MRTFB: variants seen among roughly 807,000 people sequenced by gnomAD.
The protein encoded by MRTFB is myocardin related transcription factor B.
In MRTFB, 29 loss-of-function variants were observed where a neutral mutation model predicts 104.2. The ratio of observed to expected loss-of-function variants is 0.28; its 90% CI spans 0.21 to 0.38. The LOEUF is 0.38. Among genes scored for constraint, MRTFB ranks in the 10% least tolerant of loss-of-function variants. MRTFB has a pLI of 1.00. For missense variants in MRTFB, 1,270 were observed against 1,341.6 expected (o/e 0.95, Z 0.83); for synonymous variants, 535 against 519.5 (o/e 1.03, Z -0.41).
At chr16:14,186,035 G>A (rs771512510) in intron 3 of MRTFB, among the ~76,000 whole-genome samples, 9 of 152,092 alleles carry the variant, frequency 5.9e-5, no homozygotes, top group Admixed American at 2.0e-4. Flanking sequence ...CAGTGTTGCC[G>A]CTTTTAATGC....
chr16:14,129,908 A>C (rs2037352356), intron 2 of MRTFB, among the ~76,000 whole-genome samples: 1 of 152,138 alleles, frequency 6.6e-6, no homozygotes, highest in Non-Finnish European at 1.5e-5. Context: ...CCCTCACTGC[A>C]ACCTCTGCCT....
rs1209877049 is a variant in MRTFB at position 14,246,798 on chromosome 16, C to G, written c.1538C>G (p.Ser513Cys). ...LPISPSPSEQ[S>C]SLSTDDTNMA... is the part of the protein sequence containing the mutation. ...ATTTCACCATCTCCCTCCGAACAGT[C>G]CAGTCTCAGTACTGATGACACAAAC... is the stretch of plus-strand genomic sequence containing the variant. The change falls in exon 12 of 17, where the codon TCC (serine) becomes TGC (cysteine). Residue 513 changes from serine to cysteine, a missense_variant. This residue lies in a region of MRTFB where 1,144 missense variants were observed against 1,131.5 expected (regional missense o/e 1.01). Transcript: ENST00000571589. 6.2e-7 allele frequency: 1 copy of G among 1,613,554 alleles called. No individual in the cohort carries two copies. The highest frequency in any genetic ancestry group is 8.5e-7 in the Non-Finnish European group (1 of 1,180,046).
At chr16:14,000,089 G>A in the MRTFB span, among the ~76,000 whole-genome samples, 13 of 152,150 alleles carry the variant, frequency 8.5e-5, no homozygotes, top group South Asian at 2.1e-4. Context: ...GCCACATTGG[G>A]GTGGGGGCTG....
intron 3 of MRTFB, among the ~76,000 whole-genome samples, chr16:14,192,112 T>A (rs529807379): frequency 6.6e-6 from 1 of 151,962 alleles, no homozygotes; most frequent in Non-Finnish European, 1.5e-5. Flanking sequence ...GGCTCACACC[T>A]ATAATCCCAG....
intron 1 of MRTFB, among the ~76,000 whole-genome samples, chr16:14,079,088 C>G (rs191750732): frequency 6.6e-6 from 1 of 152,110 alleles, no homozygotes; most frequent in Admixed American, 6.6e-5. Flanking sequence ...TGAATACAGT[C>G]GTGTATAGGT....
intron 2 of MRTFB, among the ~76,000 whole-genome samples, chr16:14,103,127 C>T (rs932545538): frequency 1.2e-4 from 18 of 152,172 alleles, no homozygotes; most frequent in African/African-American, 4.1e-4. Context: ...CTCTGCACAC[C>T]TCCTTGCTTT....
chr16:14,100,101 C>G (rs2035619027), intron 2 of MRTFB, among the ~76,000 whole-genome samples: 1 of 152,054 alleles, frequency 6.6e-6, no homozygotes, highest in African/African-American at 2.4e-5. Context: ...TTTTTCTTGC[C>G]TTATTGAACG....
rs2037940987 is a variant in MRTFB at position 14,140,518 on chromosome 16, T to A, written c.-63-26T>A. ...ATTGGAGAAACATAACTGCACCATC[T>A]CTTTACACATTCTTTATTTTGGCAG... On this transcript the variant is annotated intron_variant, in intron 2 of 16. Transcript: ENST00000571589. 3.3e-6 allele frequency: 5 copies of A among 1,495,788 alleles called. No individual in the cohort carries two copies. The Admixed American group carries it at 5.6e-5, about 17-fold the overall frequency. The allele number at this position is 1,495,788 out of a possible 1,614,324, so 92.7% of individuals were successfully genotyped here.
the MRTFB span, among the ~76,000 whole-genome samples, chr16:13,998,169 C>T: frequency 6.6e-6 from 1 of 152,132 alleles, no homozygotes; most frequent in African/African-American, 2.4e-5. Context: ...GGGGGTGAGT[C>T]GTAGGCAGGC....
chr16:14,266,011 A>T lies in MRTFB; in HGVS notation c.*4567A>T, dbSNP rs1032320023. The T allele has an allele frequency of 7.2e-5, 11 of 152,226 alleles. No homozygotes were observed. Among genetic ancestry groups the T allele is most frequent in the African/African-American group, 2.7e-4 (11 of 41,452 alleles). 9.4% of individuals were successfully genotyped at this position (152,226 alleles called of 1,614,324 possible). A position where few individuals can be genotyped will look rare whatever the true frequency, so the allele number is the denominator to read the frequency against. ...AATTTGGTAGGAAGAGGAAGCATTT[A>T]GGAAAGGGTTTAGTATCTACCAAAA... On this transcript the variant is annotated 3_prime_UTR_variant, in exon 17 of 17. Coordinates refer to ENST00000571589, the MANE Select transcript of MRTFB (RefSeq NM_001308142.2).
At chr16:14,201,560 AT>A (rs993434639) in intron 3 of MRTFB, among the ~76,000 whole-genome samples, 11 of 152,152 alleles carry the variant, frequency 7.2e-5, no homozygotes, top group African/African-American at 2.7e-4. Context: ...ATAAAATTTT[AT>A]TTTTATTTGT....
At chr16:14,119,357 T>C (rs867449439) in intron 2 of MRTFB, among the ~76,000 whole-genome samples, 1 of 152,320 alleles carries the variant, frequency 6.6e-6, no homozygotes, top group South Asian at 2.1e-4. Context: ...GAGTAGGTTA[T>C]AGTTTGTTTA....
the MRTFB span, among the ~76,000 whole-genome samples, chr16:14,061,383 C>A: frequency 6.6e-6 from 1 of 152,148 alleles, no homozygotes; most frequent in Non-Finnish European, 1.5e-5. Flanking sequence ...CCTGCATGTG[C>A]CCAGAAGCTG....
chr16:14,238,474 T>C (rs2042621477), intron 9 of MRTFB, among the ~76,000 whole-genome samples: 2 of 151,990 alleles, frequency 1.3e-5, no homozygotes, highest in Admixed American at 1.3e-4. Context: ...ATGGAGTGAA[T>C]TGACAAAATA....
At chr16:14,090,149 G>C (rs147012607) in intron 2 of MRTFB, among the ~76,000 whole-genome samples, 2 of 151,908 alleles carry the variant, frequency 1.3e-5, no homozygotes, top group African/African-American at 4.8e-5. Context: ...TAATTTTGAT[G>C]AAGTCCAGTT....
At chr16:14,105,706 G>C (rs1422912743) in intron 2 of MRTFB, among the ~76,000 whole-genome samples, 2 of 152,004 alleles carry the variant, frequency 1.3e-5, no homozygotes, top group Non-Finnish European at 2.9e-5. Context: ...GACTCTTAAG[G>C]GTATTTTAGA....
At chr16:14,046,179 G>A in the MRTFB span, among the ~76,000 whole-genome samples, 1 of 152,084 alleles carries the variant, frequency 6.6e-6, no homozygotes, top group Non-Finnish European at 1.5e-5. Flanking sequence ...TGTTGAATGA[G>A]GCCGGGTGTG....
At chr16:14,234,358 A>G in intron 9 of MRTFB, 75 bp downstream of exon 9, 1 of 1,501,046 alleles carries the variant, frequency 6.7e-7, no homozygotes, top group South Asian at 1.4e-5. Context: ...AATGGAAGAC[A>G]AAGGCATTTA....
chr16:14,246,398 TC>T, intron 11 of MRTFB, 74 bp from the exon 12 acceptor site: 1 of 1,456,776 alleles, frequency 6.9e-7, no homozygotes, highest in Non-Finnish European at 9.4e-7. Context: ...TAGGCACCTT[TC>T]CCATCACAAA....
Sources: gnomAD v4.1 joint callset for allele counts (sites outside exome capture counted in the v4.1 genomes callset) on GRCh38, gnomAD v4.1.1 for gene constraint, gnomAD v4.1.1 regional missense constraint, MANE v1.5 for transcripts, NCBI Gene and HGNC (gene_info 2026-07-23, HGNC 2026-07-21) for gene names.